COL6A6: variants seen among roughly 807,000 people sequenced by gnomAD.
COL6A6 encodes collagen alpha-6(VI) chain.
A neutral mutation model predicts 208.6 loss-of-function variants in COL6A6; 183 were observed. That is an observed-to-expected ratio of 0.88 (90% confidence interval 0.78 to 0.99). COL6A6 has a LOEUF of 0.99. Among genes scored for constraint, COL6A6 ranks in the 50% least tolerant of loss-of-function variants. COL6A6 has a pLI of 0.00. For missense variants in COL6A6, 2,816 were observed against 2,815.2 expected (o/e 1.00, Z -0.01); for synonymous variants, 973 against 1,011.8 (o/e 0.96, Z 0.73).
chr3:130,656,318 G>A (rs1352320217), intron 33 of COL6A6, among the ~76,000 whole-genome samples: 1 of 152,220 alleles, frequency 6.6e-6, no homozygotes, highest in Non-Finnish European at 1.5e-5. Flanking sequence ...ACAAGGTGAA[G>A]AGGAGCTTTA....
In COL6A6 at chr3:130,568,433, G is replaced by A. The variant is rs2063083865; in HGVS notation, c.2230G>A (p.Val744Met). ...AQDIVKEPAV[V>M]LRQEGVIIYS... Reference sequence around the variant, plus strand: ...GGACATAGTAAAGGAACCAGCAGTAGTGCTTCGGCAAGAAGGTGTAATCAT... The same window carrying A: ...GGACATAGTAAAGGAACCAGCAGTAATGCTTCGGCAAGAAGGTGTAATCAT... The change falls in exon 6 of 37, where the codon GTG becomes ATG. Residue 744 changes from valine (V) to methionine (M), a missense_variant. By Grantham distance (21) the Val-to-Met change is conservative (BLOSUM62 1). Transcript: ENST00000358511. The A allele has an allele frequency of 1.9e-6, 3 of 1,613,882 alleles. No homozygotes were observed. The highest frequency in any genetic ancestry group is 2.2e-5 in the South Asian group (2 of 91,090).
intron 29 of COL6A6, 73 bp from the exon 30 acceptor site, chr3:130,642,759 C>A: frequency 1.5e-6 from 2 of 1,333,700 alleles, no homozygotes; most frequent in Non-Finnish European, 2.1e-6. Flanking sequence ...TTTCTGAGGG[C>A]AATGTTGGTG....
Position 130,538,481 on chromosome 3 carries a change from TTAGTATC to T in COL6A6, c.-32+21086_-32+21092del, listed in dbSNP as rs528970858. Among the ~76,000 whole-genome samples, 290 of 152,320 alleles carry T rather than the reference TTAGTATC, an allele frequency of 1.9e-3. 4 individuals carry two copies. Among genetic ancestry groups the T allele is most frequent in the Non-Finnish European group, 6.9e-4 (47 of 68,026 alleles). On this transcript the variant is annotated intron_variant, in intron 1 of 36. Transcript: ENST00000358511. ...AATAATGACAACAGCTAACATTTAC[TTAGTATC>T]TGCTGCAAAGAAGATACTGTGCCAA...
At chr3:130,608,833 A>C in intron 21 of COL6A6, 69 bp from the exon 22 acceptor site, 1 of 698,844 alleles carries the variant, frequency 1.4e-6, no homozygotes, top group South Asian at 1.8e-5. Context: ...AAATATTTGT[A>C]AGCTTGCAGG....
In COL6A6 at chr3:130,589,118, G is replaced by A; in HGVS notation, c.4154G>A (p.Cys1385Tyr). ...LVNVAERTCCCLFCKCIGGDG... is the reference protein window; with the variant it reads ...LVNVAERTCCYLFCKCIGGDG... ...AATGTTGCTGAAAGGACATGCTGCT[G>A]TTTGTTCTGCAAGTGCATTGGAGGA... The change falls in exon 12 of 37, where the codon TGT becomes TAT. Residue 1385 changes from cysteine (C) to tyrosine (Y), a missense_variant. Physicochemically the swap from Cys to Tyr is radical, Grantham distance 194. Transcript: ENST00000358511. The A allele has an allele frequency of 2.5e-6, 4 of 1,613,874 alleles. No individual in the cohort carries two copies. Among genetic ancestry groups the A allele is most frequent in the Non-Finnish European group, 3.4e-6 (4 of 1,179,822 alleles).
chr3:130,613,187 T>C (rs1342491936), intron 23 of COL6A6, among the ~76,000 whole-genome samples: 1 of 152,210 alleles, frequency 6.6e-6, no homozygotes, highest in East Asian at 1.9e-4. Flanking sequence ...AGTTGATTTT[T>C]GTATATGGTA....
At chr3:130,537,951 A>G (rs554049001) in intron 1 of COL6A6, among the ~76,000 whole-genome samples, 1 of 152,364 alleles carries the variant, frequency 6.6e-6, no homozygotes, top group East Asian at 1.9e-4. Context: ...AGCAGTTGGT[A>G]TCCATTCATT....
intron 6 of COL6A6, among the ~76,000 whole-genome samples, chr3:130,569,462 C>T (rs116139888): frequency 1.5e-3 from 234 of 152,220 alleles, no homozygotes; most frequent in Non-Finnish European, 2.7e-3. Context: ...ATATGTGACC[C>T]ATAGGGCTTG....
At chr3:130,548,769 A>G (rs1410813388) in intron 1 of COL6A6, among the ~76,000 whole-genome samples, 3 of 152,146 alleles carry the variant, frequency 2.0e-5, no homozygotes, top group East Asian at 3.9e-4. Flanking sequence ...CAGTTTGTCA[A>G]TTGCAGTTCA....
At position 130,563,246 on chromosome 3, in the gene COL6A6, G is replaced by T. The variant is rs141403454; in HGVS notation, c.243G>T (p.Leu81=). 410 of 1,614,002 alleles carry T rather than the reference G, an allele frequency of 2.5e-4. 1 individual carries two copies. In the African/African-American group the frequency reaches 4.6e-3, roughly 18 times the overall value. Residue 81 remains leucine, a synonymous_variant, in exon 3 of 37, where the codon CTG becomes CTT. Transcript: ENST00000358511. Reference sequence around the variant, plus strand: ...ATAAACTTCACAGTGAATTCCACCTGAGCACCTTCAAAGGCAGGAGCCCCA... The same window carrying T: ...ATAAACTTCACAGTGAATTCCACCTTAGCACCTTCAAAGGCAGGAGCCCCA... ...YSDKLHSEFH[L]STFKGRSPML...
At chr3:130,542,270 G>GT (rs1229834956) in intron 1 of COL6A6, among the ~76,000 whole-genome samples, 1 of 149,512 alleles carries the variant, frequency 6.7e-6, no homozygotes, top group Non-Finnish European at 1.5e-5. Flanking sequence ...TTAATTTCTT[G>GT]TTTTTTTCTT....
At chr3:130,662,996 A>T (rs2065975357) in intron 35 of COL6A6, among the ~76,000 whole-genome samples, 2 of 152,158 alleles carry the variant, frequency 1.3e-5, no homozygotes, top group Admixed American at 6.5e-5. Context: ...TATGATTCTG[A>T]AGGGTGAAAA....
At chr3:130,546,071 C>G (rs145931623) in intron 1 of COL6A6, among the ~76,000 whole-genome samples, 79 of 152,274 alleles carry the variant, frequency 5.2e-4, no homozygotes, top group Non-Finnish European at 1.3e-4. Context: ...GTCTCAATCT[C>G]AGACATTCAT....
Position 130,675,580 on chromosome 3 carries a change from C to G in COL6A6, c.*183C>G. 2.1e-6 allele frequency: 1 copy of G among 476,300 alleles called. No individual in the cohort carries two copies. The highest frequency in any genetic ancestry group is 3.7e-6 in the Non-Finnish European group (1 of 269,370). The allele number at this position is 476,300 out of a possible 1,614,324, so 29.5% of individuals were successfully genotyped here. ...TTGACCACTCCTGACAATTCCAGCA[C>G]TCTACGACTGATATGTCGAAGAACT... On this transcript the variant is annotated 3_prime_UTR_variant, in exon 37 of 37. Transcript: ENST00000358511.
rs71133610 is a variant in COL6A6 at position 130,590,299 on chromosome 3, ATTTTTTTTTTTT to A, written c.4219-723_4219-712del. The stretch of plus-strand genomic sequence containing the variant: ...TATATATATATATATATATATATAT[ATTTTTTTTTTTT>A]TTTTTTTTTTTTTTTTTTACTATAA... On this transcript the variant is annotated intron_variant, in intron 12 of 36. Transcript: ENST00000358511. Among the ~76,000 whole-genome samples the A allele has an allele frequency of 1.1e-3, 10 of 9,176 alleles. No individual in the cohort carries two copies. The South Asian group carries it at 0.021, about 19-fold the overall frequency. 6.0% of individuals were successfully genotyped at this position (9,176 alleles called of 152,430 possible).
chr3:130,551,467 G>A (rs939884013), intron 1 of COL6A6, among the ~76,000 whole-genome samples: 1 of 152,030 alleles, frequency 6.6e-6, no homozygotes, highest in Non-Finnish European at 1.5e-5. Flanking sequence ...GCTGTTCATA[G>A]GAATCGGAGT....
Position 130,649,334 on chromosome 3 carries a change from A to G in COL6A6, c.5505A>G (p.Arg1835=). Residue 1835 remains arginine, a synonymous_variant, in exon 33 of 37, where the codon AGA becomes AGG. Transcript: ENST00000358511. The stretch of plus-strand genomic sequence containing the variant: ...AAATTGAAACTATTCCTTATGAGAG[A>G]TCCTCTGCCAGCAGGGAGATTGGCA... ...LREIETIPYE[R]SSASREIGRA... 6.2e-7 allele frequency: 1 copy of G among 1,609,886 alleles called. No individual in the cohort carries two copies. The highest frequency in any genetic ancestry group is 8.5e-7 in the Non-Finnish European group (1 of 1,178,232).
intron 1 of COL6A6, among the ~76,000 whole-genome samples, chr3:130,542,178 CTT>C (rs1386780375): frequency 7.5e-6 from 1 of 133,746 alleles, no homozygotes; most frequent in South Asian, 2.3e-4. Flanking sequence ...TTTTTTTCCT[CTT>C]TTTTCTTTGC....
chr3:130,584,672 T>C (rs1407444056), intron 10 of COL6A6, among the ~76,000 whole-genome samples: 1 of 152,110 alleles, frequency 6.6e-6, no homozygotes. Flanking sequence ...TGGAGTGCAG[T>C]GGTGCCATCT....
Sources: allele counts gnomAD v4.1 joint callset (sites outside exome capture counted in the v4.1 genomes callset), GRCh38; gene constraint gnomAD v4.1.1; transcripts MANE v1.5; gene names NCBI Gene and HGNC (gene_info 2026-07-23, HGNC 2026-07-21).